The following STAT4 variants were observed in gnomAD, a reference collection of about 807,000 sequenced individuals.
The protein encoded by STAT4 is signal transducer and activator of transcription 4.
A neutral mutation model predicts 110.5 loss-of-function variants in STAT4; 42 were observed. The ratio of observed to expected loss-of-function variants is 0.38; its 90% confidence interval spans 0.30 to 0.49. STAT4 has a LOEUF of 0.49. Ranked by LOEUF, STAT4 falls within the 20% of genes least tolerant of loss-of-function variation. The pLI is 0.95. For missense variants in STAT4, 632 were observed against 887.9 expected, an observed-to-expected ratio of 0.71 and a Z score of 3.66; for synonymous variants, 284 against 302.2, an observed-to-expected ratio of 0.94 and a Z score of 0.63.
intron 3 of STAT4, chr2:191,131,593 G>T (rs1204191490): frequency 2.6e-6 from 1 of 391,208 alleles, no homozygotes; most frequent in Non-Finnish European, 4.4e-6. Flanking sequence ...TGCAAATTTT[G>T]GGTCAGTGGT....
intron 3 of STAT4, among the ~76,000 whole-genome samples, chr2:191,093,744 C>A (rs962557117): frequency 6.6e-6 from 1 of 152,152 alleles, no homozygotes; most frequent in Non-Finnish European, 1.5e-5. Flanking sequence ...ATGACTTTGA[C>A]GAGCTGACAG....
At chr2:191,052,735 G>T (rs1244110043) in intron 14 of STAT4, among the ~76,000 whole-genome samples, 1 of 152,218 alleles carries the variant, frequency 6.6e-6, no homozygotes, top group Admixed American at 6.5e-5. Context: ...TGAATGAAAT[G>T]TTGCAACTCT....
rs938421478 is a variant in STAT4, at chr2:191,147,293, A to G, written c.129-536T>C. 6.6e-6 allele frequency among the ~76,000 whole-genome samples: 1 copy of G among 152,242 alleles called. No homozygotes were observed. Among genetic ancestry groups the G allele is most frequent in the Non-Finnish European group, 1.5e-5 (1 of 68,040 alleles). ...ATACATTTATAAAACAAAATGTGAT[A>G]TATACAAACAATGGAATATTATTGA... On this transcript the variant is annotated intron_variant, in intron 2 of 23. Transcript: ENST00000392320. The surrounding 1 kb of genome is among the most constrained non-coding windows in gnomAD (Gnocchi z 4.1).
At chr2:191,118,804 G>C (rs546624516) in intron 3 of STAT4, among the ~76,000 whole-genome samples, 2 of 152,268 alleles carry the variant, frequency 1.3e-5, no homozygotes, top group South Asian at 4.1e-4. Context: ...TGTAGACCAG[G>C]CTAGAGTGCA....
In STAT4 at chr2:191,030,814, A is replaced by G. The variant is rs1383759710; in HGVS notation, c.2220+158T>C. 5 of 631,408 alleles carry G rather than the reference A, an allele frequency of 7.9e-6. No homozygotes were observed. The African/African-American group carries it at 9.1e-5, about 12-fold the overall frequency. The allele number at this position is 631,408 out of a possible 1,614,324, so 39.1% of individuals were successfully genotyped here. ...AATACGCATAATATCAGCAACACGC[A>G]GGACCATCCAGACACCTTTTGTGTT... On this transcript the variant is annotated intron_variant, in intron 23 of 23. Transcript: ENST00000392320. This position sits in a 1 kb window ranked among gnomAD's most constrained non-coding sequence, Gnocchi z 4.4.
At chr2:191,128,166 G>A (rs1296014169) in intron 3 of STAT4, among the ~76,000 whole-genome samples, 1 of 152,218 alleles carries the variant, frequency 6.6e-6, no homozygotes, top group Non-Finnish European at 1.5e-5. Flanking sequence ...CAGATTTTGA[G>A]GGTGTGCGTT....
At chr2:191,126,093 CAT>C (rs1483634234) in intron 3 of STAT4, among the ~76,000 whole-genome samples, 1 of 152,196 alleles carries the variant, frequency 6.6e-6, no homozygotes, top group African/African-American at 2.4e-5. Context: ...TAAAGCTAAA[CAT>C]AAATTAATTT....
intron 3 of STAT4, among the ~76,000 whole-genome samples, chr2:191,128,448 A>G (rs529396537): frequency 1.2e-4 from 19 of 152,306 alleles, no homozygotes; most frequent in South Asian, 4.1e-4. Flanking sequence ...GTTTCAAGCC[A>G]CTTTTCTTTC....
intron 15 of STAT4, among the ~76,000 whole-genome samples, chr2:191,040,198 A>C: frequency 6.6e-6 from 1 of 152,204 alleles, no homozygotes; most frequent in East Asian, 1.9e-4. Context: ...TAGTCAATTC[A>C]TGTTCAATTT....
In STAT4 at chr2:191,142,448, G is replaced by A. The variant is rs1282859671; in HGVS notation, c.273+4165C>T. On this transcript the variant is annotated intron_variant, in intron 3 of 23. Coordinates refer to ENST00000392320, the MANE Select transcript of STAT4 (RefSeq NM_003151.4). This position sits in a 1 kb window ranked among gnomAD's most constrained non-coding sequence, Gnocchi z 4.1. ...TAAAGAGTAGAATATAGATACCAGA[G>A]GCTGGGAAGGGTGGGTGGATGGAGG... 1.3e-5 allele frequency among the ~76,000 whole-genome samples: 2 copies of A among 152,138 alleles called. No homozygotes were observed. Among genetic ancestry groups the A allele is most frequent in the African/African-American group, 4.8e-5 (2 of 41,428 alleles).
chr2:191,100,489 T>C (rs756483119), intron 3 of STAT4, among the ~76,000 whole-genome samples: 25 of 152,124 alleles, frequency 1.6e-4, no homozygotes, highest in Non-Finnish European at 2.5e-4. Context: ...CACTGTCATG[T>C]TTATATTTAA....
In STAT4 at chr2:191,035,439, C is replaced by A. The variant is rs1696016997; in HGVS notation, c.1570+725G>T. ...AATCACACATGATTCTACTTCTGCA[C>A]AAATGGATCTTTGGCCCTAATTTAA... is the stretch of plus-strand genomic sequence containing the variant. On this transcript the variant is annotated intron_variant, in intron 17 of 23. Transcript: ENST00000392320. The surrounding 1 kb of genome is among the most constrained non-coding windows in gnomAD (Gnocchi z 4.7). Among the ~76,000 whole-genome samples the A allele has an allele frequency of 6.6e-6, 1 of 152,204 alleles. No homozygotes were observed. The highest frequency in any genetic ancestry group is 2.4e-5 in the African/African-American group (1 of 41,438).
intron 3 of STAT4, among the ~76,000 whole-genome samples, chr2:191,076,968 C>T (rs2125270834): frequency 6.6e-6 from 1 of 152,160 alleles, no homozygotes; most frequent in Non-Finnish European, 1.5e-5. Flanking sequence ...GAGGTGGTCT[C>T]AATTTTTCAC....
intron 5 of STAT4, among the ~76,000 whole-genome samples, chr2:191,070,140 T>A (rs1347051808): frequency 1.3e-5 from 2 of 152,200 alleles, no homozygotes; most frequent in South Asian, 4.1e-4. Context: ...TACTAATGTA[T>A]CAATGATCAC....
intron 5 of STAT4, among the ~76,000 whole-genome samples, chr2:191,070,642 A>AG (rs1425624606): frequency 6.6e-6 from 1 of 152,234 alleles, no homozygotes; most frequent in African/African-American, 2.4e-5. Flanking sequence ...GTCTTCTCTA[A>AG]GGAAACATAT....
In STAT4 at chr2:191,045,197, C is replaced by T. The variant is rs1464442829; in HGVS notation, c.1252-4049G>A. Reference sequence around the variant, plus strand: ...TTTACAGCTCAAAAAATAATCACCTCTGGGGAGGAGTTTGACATAGAAAGA... The same window carrying T: ...TTTACAGCTCAAAAAATAATCACCTTTGGGGAGGAGTTTGACATAGAAAGA... On this transcript the variant is annotated intron_variant, in intron 14 of 23. Transcript: ENST00000392320. Among the ~76,000 whole-genome samples the T allele has an allele frequency of 2.6e-5, 4 of 152,236 alleles. No homozygotes were observed. The East Asian group carries it at 7.7e-4, about 29-fold the overall frequency.
intron 3 of STAT4, among the ~76,000 whole-genome samples, chr2:191,108,865 C>T (rs554929754): frequency 6.6e-6 from 1 of 152,324 alleles, no homozygotes; most frequent in South Asian, 2.1e-4. Flanking sequence ...TAAAGATTCA[C>T]TAACAAAACA....
At chr2:191,049,270 G>A (rs536521926) in intron 14 of STAT4, among the ~76,000 whole-genome samples, 1 of 150,784 alleles carries the variant, frequency 6.6e-6, no homozygotes, top group East Asian at 1.9e-4. Context: ...TGCCTCCCGG[G>A]TTCATGCCAT....
In STAT4 at chr2:191,124,058, G is replaced by A. The variant is rs186691658; in HGVS notation, c.273+22555C>T. Among the ~76,000 whole-genome samples, 450 of 151,288 alleles carry A rather than the reference G, an allele frequency of 3.0e-3. 10 individuals are homozygous for A. The highest frequency in any genetic ancestry group is 0.029 in the South Asian group (136 of 4,734). On this transcript the variant is annotated intron_variant, in intron 3 of 23. Coordinates refer to ENST00000392320, the MANE Select transcript of STAT4 (RefSeq NM_003151.4). ...AAATTGCTCTTATGAACTCTAAACT[G>A]AATTTGCAATAATGACATGACATTT...
Sources: gnomAD v4.1 joint callset for allele counts (sites outside exome capture counted in the v4.1 genomes callset) on GRCh38, gnomAD v4.1.1 for gene constraint, Gnocchi (gnomAD v3.1) non-coding constraint, MANE v1.5 for transcripts, NCBI Gene and HGNC (gene_info 2026-07-23, HGNC 2026-07-21) for gene names.